SLC35A1: variants seen among roughly 807,000 people sequenced by gnomAD.
SLC35A1 encodes CMP-sialic acid transporter.
Under a neutral mutation model 40.3 loss-of-function variants are expected in SLC35A1, and 21 were observed. The ratio of observed to expected loss-of-function variants is 0.52; its 90% CI spans 0.37 to 0.75. The LOEUF (loss-of-function observed/expected upper bound fraction) is 0.75. Among genes scored for constraint, SLC35A1 ranks in the 30% least tolerant of loss-of-function variants. The pLI is 0.00. For missense variants in SLC35A1, 297 were observed against 382.1 expected (o/e 0.78, Z 1.86); for synonymous variants, 146 against 147.3 (o/e 0.99, Z 0.06).
intron 2 of SLC35A1, among the ~76,000 whole-genome samples, chr6:87,486,342 C>T (rs1026320754): frequency 6.6e-6 from 1 of 152,120 alleles, no homozygotes; most frequent in African/African-American, 2.4e-5. Flanking sequence ...GTGTTTCATT[C>T]CTTCCAAACA....
chr6:87,501,138 A>G lies in SLC35A1; in HGVS notation c.355-20A>G. The G allele has an allele frequency of 2.5e-6, 4 of 1,585,388 alleles. No individual in the cohort carries two copies. Among genetic ancestry groups the G allele is most frequent in the Non-Finnish European group, 3.5e-6 (4 of 1,153,852 alleles). On this transcript the variant is annotated intron_variant, in intron 3 of 7. Transcript: ENST00000369552. ...AGACTAACATTAACTGAATTTATTA[A>G]TTCATTCTCTTTTTTTTAGGTGACC...
chr6:87,491,616 T>C (rs1433799286), intron 2 of SLC35A1, among the ~76,000 whole-genome samples: 1 of 152,226 alleles, frequency 6.6e-6, no homozygotes, highest in Non-Finnish European at 1.5e-5. Context: ...TTGCCATGTG[T>C]CTTCTTCATT....
intron 3 of SLC35A1, 72 bp downstream of exon 3, chr6:87,500,739 C>G (rs1281836131): frequency 1.5e-6 from 2 of 1,317,498 alleles, no homozygotes; most frequent in East Asian, 4.9e-5. Context: ...AACTCTTTAT[C>G]ATATTATCAA....
At chr6:87,493,463 TG>T (rs1413576142) in intron 2 of SLC35A1, among the ~76,000 whole-genome samples, 1 of 79,028 alleles carries the variant, frequency 1.3e-5, no homozygotes, top group African/African-American at 6.7e-5. Flanking sequence ...TAAATCTAGT[TG>T]TGTGTGTGTG....
At chr6:87,508,774 G>A in intron 6 of SLC35A1, 178 bp downstream of exon 6, 1 of 732,956 alleles carries the variant, frequency 1.4e-6, no homozygotes, top group Non-Finnish European at 2.2e-6. Context: ...ATTGCTTTGG[G>A]ATAGCAATGC....
intron 7 of SLC35A1, among the ~76,000 whole-genome samples, chr6:87,509,650 A>G (rs955510779): frequency 5.9e-5 from 9 of 152,106 alleles, no homozygotes; most frequent in Non-Finnish European, 1.2e-4. Context: ...TGGGTGTGAG[A>G]CGGTTTTGAA....
intron 3 of SLC35A1, 87 bp from the exon 4 acceptor site, chr6:87,501,071 A>G: frequency 7.7e-7 from 1 of 1,295,334 alleles, no homozygotes; most frequent in Non-Finnish European, 1.1e-6. Flanking sequence ...TTTTTTATTG[A>G]TAATTTTATC....
chr6:87,510,767 A>G (rs1256861600), intron 7 of SLC35A1, among the ~76,000 whole-genome samples: 1 of 151,776 alleles, frequency 6.6e-6, no homozygotes, highest in African/African-American at 2.4e-5. Flanking sequence ...GCTACTCGAG[A>G]GGCTGAGGAA....
At position 87,508,473 on chromosome 6, in the gene SLC35A1, A is replaced by T; in HGVS notation, c.628A>T (p.Asn210Tyr). The change falls in exon 6 of 8, where the codon AAC (asparagine) becomes TAC (tyrosine). Residue 210 changes from asparagine (N) to tyrosine (Y), a missense_variant. Transcript: ENST00000369552. ...TTCAGATACTTCTCTTTGGGTGAGA[A>T]ACATTCAAATGTATCTATCAGGGAT... Reference protein sequence around the residue: ...KSSDTSLWVRNIQMYLSGIIV... With the variant: ...KSSDTSLWVRYIQMYLSGIIV... The T allele has an allele frequency of 6.2e-7, 1 of 1,611,440 alleles. No homozygotes were observed. Among genetic ancestry groups the T allele is most frequent in the Non-Finnish European group, 8.5e-7 (1 of 1,177,996 alleles).
At chr6:87,501,092 G>GA in intron 3 of SLC35A1, 66 bp from the exon 4 acceptor site, 1 of 1,372,852 alleles carries the variant, frequency 7.3e-7, no homozygotes, top group Non-Finnish European at 1.0e-6. Flanking sequence ...AATGATACCA[G>GA]AAATAATATA....
At chr6:87,503,363 G>A (rs1582191983) in intron 4 of SLC35A1, among the ~76,000 whole-genome samples, 1 of 152,064 alleles carries the variant, frequency 6.6e-6, no homozygotes, top group East Asian at 1.9e-4. Context: ...ATTGGTTGAT[G>A]GCCTAGCTTG....
intron 2 of SLC35A1, among the ~76,000 whole-genome samples, chr6:87,483,262 G>C (rs1297251056): frequency 6.7e-6 from 1 of 149,906 alleles, no homozygotes; most frequent in Non-Finnish European, 1.5e-5. Context: ...CTCTCTGCTG[G>C]TCTTTCCCTG....
At chr6:87,486,186 A>G (rs1377021125) in intron 2 of SLC35A1, among the ~76,000 whole-genome samples, 1 of 152,164 alleles carries the variant, frequency 6.6e-6, no homozygotes, top group Non-Finnish European at 1.5e-5. Flanking sequence ...TGCTTAGTGA[A>G]TAGTCTTGGC....
chr6:87,504,052 G>A (rs556890445), intron 4 of SLC35A1, among the ~76,000 whole-genome samples: 4 of 152,174 alleles, frequency 2.6e-5, no homozygotes, highest in East Asian at 1.9e-4. Context: ...TAGCTAGGTA[G>A]TCTAGGCGGG....
rs965038525 is a variant in SLC35A1, at chr6:87,482,128, G to A, written c.194+4589G>A. Among the ~76,000 whole-genome samples the A allele has an allele frequency of 6.6e-5, 10 of 151,954 alleles. No individual in the cohort carries two copies. In the South Asian group the frequency reaches 1.9e-3, roughly 28 times the overall value. The stretch of plus-strand genomic sequence containing the variant: ...ATTTTTCATGACTTTCGCAATCTTC[G>A]ACAGGCCTCAATTTTCTGACTTCCT... On this transcript the variant is annotated intron_variant, in intron 2 of 7. Transcript: ENST00000369552.
intron 2 of SLC35A1, among the ~76,000 whole-genome samples, chr6:87,492,711 G>A (rs1367853045): frequency 3.3e-5 from 5 of 151,702 alleles, no homozygotes; most frequent in East Asian, 3.9e-4. Flanking sequence ...CACCACACCC[G>A]GCTAATTTTT....
chr6:87,476,736 A>C (rs1769082676), intron 1 of SLC35A1, among the ~76,000 whole-genome samples: 1 of 150,694 alleles, frequency 6.6e-6, no homozygotes, highest in Admixed American at 6.6e-5. Context: ...ACCCTGTCCT[A>C]AAATATATGT....
At chr6:87,481,192 G>T (rs1392192382) in intron 2 of SLC35A1, among the ~76,000 whole-genome samples, 1 of 152,082 alleles carries the variant, frequency 6.6e-6, no homozygotes, top group Non-Finnish European at 1.5e-5. Flanking sequence ...GAGGCGGGTG[G>T]ATCACCTGAG....
intron 4 of SLC35A1, among the ~76,000 whole-genome samples, chr6:87,502,816 T>TTCCCTCAATCTGTCTG (rs1769960943): frequency 6.6e-6 from 1 of 152,182 alleles, no homozygotes; most frequent in Non-Finnish European, 1.5e-5. Context: ...CACCCCACTG[T>TTCCCTCAATCTGTCTG]TCCCTCAATC....
Sources: allele counts gnomAD v4.1 joint callset (sites outside exome capture counted in the v4.1 genomes callset), GRCh38; gene constraint gnomAD v4.1.1; transcripts MANE v1.5; gene names NCBI Gene and HGNC (gene_info 2026-07-23, HGNC 2026-07-21).